SETD5: variants seen among roughly 807,000 people sequenced by gnomAD.
SETD5 encodes histone-lysine N-methyltransferase SETD5.
In SETD5, 44 loss-of-function variants were observed where a neutral mutation model predicts 153.3. That is an observed-to-expected ratio of 0.29 (90% CI 0.23 to 0.37). The LOEUF (loss-of-function observed/expected upper bound fraction) is 0.37. SETD5 is among the 10% of genes least tolerant of loss of function. The pLI, the probability that SETD5 is intolerant of heterozygous loss-of-function variation, is 1.00. For synonymous variants in SETD5, 716 were observed against 645.2 expected, an observed-to-expected ratio of 1.11 and a Z score of -1.66; for missense variants, 1,544 against 1,768.0, an observed-to-expected ratio of 0.87 and a Z score of 2.27.
At chr3:9,472,652 G>A (rs893908001) in intron 19 of SETD5, among the ~76,000 whole-genome samples, 3 of 152,004 alleles carry the variant, frequency 2.0e-5, no homozygotes, top group Admixed American at 6.6e-5. Context: ...GTATCCTGGA[G>A]CATTGGGTTT....
chr3:9,438,974 A>G (rs548944826), intron 7 of SETD5, among the ~76,000 whole-genome samples: 110 of 152,236 alleles, frequency 7.2e-4, no homozygotes, highest in Non-Finnish European at 1.3e-3. Flanking sequence ...GCCTTGAAGG[A>G]TGGGACAGCA....
chr3:9,430,948 A>G (rs937437705), intron 3 of SETD5: 5 of 985,350 alleles, frequency 5.1e-6, no homozygotes, highest in Non-Finnish European at 4.8e-6. Context: ...CTACATAGTT[A>G]TGCATTTCTG....
At chr3:9,446,403 GT>G (rs201341950) in intron 13 of SETD5, among the ~76,000 whole-genome samples, 1 of 151,042 alleles carries the variant, frequency 6.6e-6, no homozygotes, top group Non-Finnish European at 1.5e-5. Flanking sequence ...GAGTTCTGAA[GT>G]TTTTTTAAAC....
At chr3:9,433,469 T>A in intron 3 of SETD5, 1 of 1,290,190 alleles carries the variant, frequency 7.8e-7, no homozygotes, top group Non-Finnish European at 1.0e-6. Context: ...ATGTGAGGTT[T>A]CATGGAAGTA....
At chr3:9,473,668 A>T in intron 20 of SETD5, 131 bp downstream of exon 20, 2 of 922,946 alleles carry the variant, frequency 2.2e-6, no homozygotes, top group Non-Finnish European at 3.3e-6. Flanking sequence ...AGCCAACAGT[A>T]CCATCTGTCC....
chr3:9,421,558 A>T (rs2038402367), intron 1 of SETD5, among the ~76,000 whole-genome samples: 1 of 152,230 alleles, frequency 6.6e-6, no homozygotes, highest in Non-Finnish European at 1.5e-5. Context: ...GAAGATAAGT[A>T]TATAATGCAG....
intron 17 of SETD5, among the ~76,000 whole-genome samples, chr3:9,464,097 C>T (rs1187676337): frequency 6.6e-6 from 1 of 152,070 alleles, no homozygotes; most frequent in African/African-American, 2.4e-5. Context: ...CATTGCACTC[C>T]AGCCTTAGCG....
intron 16 of SETD5, among the ~76,000 whole-genome samples, chr3:9,452,406 A>G (rs952338550): frequency 1.3e-5 from 2 of 152,216 alleles, no homozygotes; most frequent in African/African-American, 2.4e-5. Context: ...TTAAGGCTAT[A>G]TGTATGGTTC....
intron 1 of SETD5, among the ~76,000 whole-genome samples, chr3:9,411,320 T>G (rs2125525436): frequency 6.6e-6 from 1 of 152,322 alleles, no homozygotes; most frequent in South Asian, 2.1e-4. Flanking sequence ...TTTTTAACTT[T>G]GTCATTTAAA....
chr3:9,435,638 C>T (rs1041183822), intron 6 of SETD5, 90 bp from the exon 7 acceptor site: 30 of 1,208,572 alleles, frequency 2.5e-5, no homozygotes, highest in Middle Eastern at 4.8e-4. Context: ...TAATGGCTTA[C>T]TGCATGTGGG....
chr3:9,444,484 G>A (rs760368905), intron 11 of SETD5, among the ~76,000 whole-genome samples: 1 of 152,110 alleles, frequency 6.6e-6, no homozygotes, highest in Non-Finnish European at 1.5e-5. Context: ...TTGATAAACT[G>A]CCTGCTAAAT....
intron 21 of SETD5, 88 bp downstream of exon 21, chr3:9,474,670 A>G (rs2045669257): frequency 2.6e-6 from 4 of 1,533,350 alleles, no homozygotes; most frequent in Non-Finnish European, 3.5e-6. Flanking sequence ...AGTTGAGGTG[A>G]GTCAGTTTCT....
intron 1 of SETD5, among the ~76,000 whole-genome samples, chr3:9,406,884 A>G (rs1024123707): frequency 9.2e-5 from 14 of 152,244 alleles, no homozygotes; most frequent in Admixed American, 7.9e-4. Flanking sequence ...ATATTTAGAA[A>G]CCTTTAAAAA....
At chr3:9,468,199 A>C (rs1448709038) in intron 18 of SETD5, among the ~76,000 whole-genome samples, 1 of 151,944 alleles carries the variant, frequency 6.6e-6, no homozygotes, top group Non-Finnish European at 1.5e-5. Context: ...TCTCATCTAA[A>C]ATACAAAGAC....
intron 1 of SETD5, among the ~76,000 whole-genome samples, chr3:9,416,905 G>T (rs2037554051): frequency 6.6e-6 from 1 of 151,256 alleles, no homozygotes; most frequent in Non-Finnish European, 1.5e-5. Context: ...GTTTTCTCTG[G>T]TTTTATATTT....
chr3:9,458,315 T>C (rs1188219981), intron 17 of SETD5, among the ~76,000 whole-genome samples: 1 of 152,106 alleles, frequency 6.6e-6, no homozygotes, highest in Admixed American at 6.6e-5. Flanking sequence ...AATATATATA[T>C]TTTTTTAATT....
At position 9,470,449 on chromosome 3, in the gene SETD5, A is replaced by G. The variant is rs1029409870; in HGVS notation, c.2725-10A>G. On this transcript the variant is annotated splice_polypyrimidine_tract_variant and intron_variant, in intron 18 of 22. Transcript: ENST00000402198. ...CTACCCCATGTCTCCGTTGATTTTT[A>G]TTCTTTCAGCTTTGTCACCGAAAAG... 5 of 1,601,764 alleles carry G rather than the reference A, an allele frequency of 3.1e-6. No homozygotes were observed. Among genetic ancestry groups the G allele is most frequent in the South Asian group, 1.1e-5 (1 of 90,176 alleles).
Position 9,438,782 on chromosome 3 carries a change from G to A in SETD5, c.568-1674G>A, listed in dbSNP as rs967131885. Among the ~76,000 whole-genome samples, 13 of 152,194 alleles carry A rather than the reference G, an allele frequency of 8.5e-5. 1 individual carries two copies. The highest frequency in any genetic ancestry group is 8.5e-4 in the Admixed American group (13 of 15,278). ...ATAATTCTTTGTTGTGGAAGGGACT[G>A]TTCTGTGCTTTCAAGATGTGAACAG... On this transcript the variant is annotated intron_variant, in intron 7 of 22. Transcript: ENST00000402198.
rs112615662 is a variant in SETD5 at position 9,455,915 on chromosome 3, A to G, written c.2476+2047A>G. Among the ~76,000 whole-genome samples, 1,262 of 152,294 alleles carry G rather than the reference A, an allele frequency of 8.3e-3. 27 individuals are homozygous for G. Among genetic ancestry groups the G allele is most frequent in the African/African-American group, 0.029 (1,185 of 41,570 alleles). On this transcript the variant is annotated intron_variant, in intron 17 of 22. Coordinates refer to ENST00000402198, the MANE Select transcript of SETD5 (RefSeq NM_001080517.3). ...CTGCCCTAGTCTAACAGTGAGAAACACTCACAGGACACACCTTGCCCTTAA... is the reference window on the plus strand; with the variant it reads ...CTGCCCTAGTCTAACAGTGAGAAACGCTCACAGGACACACCTTGCCCTTAA...
Sources: allele counts gnomAD v4.1 joint callset (sites outside exome capture counted in the v4.1 genomes callset), GRCh38; gene constraint gnomAD v4.1.1; transcripts MANE v1.5; gene names NCBI Gene and HGNC (gene_info 2026-07-23, HGNC 2026-07-21).